PRR5L: variants seen among roughly 807,000 people sequenced by gnomAD.
The protein encoded by PRR5L is proline-rich protein 5-like.
PRR5L carries 21 observed loss-of-function variants against 36.4 expected under a neutral mutation model. The ratio of observed to expected loss-of-function variants is 0.58; its 90% CI spans 0.41 to 0.83. The LOEUF is 0.83. Among genes scored for constraint, PRR5L ranks in the 40% least tolerant of loss-of-function variants. The pLI is 0.00. For synonymous variants in PRR5L, 188 were observed against 197.0 expected (o/e 0.95, Z 0.38); for missense variants, 381 against 473.3 (o/e 0.80, Z 1.81).
intron 1 of PRR5L, among the ~76,000 whole-genome samples, chr11:36,307,268 A>C (rs189572811): frequency 1.3e-5 from 2 of 152,308 alleles, no homozygotes; most frequent in East Asian, 3.9e-4. Context: ...TCACAATTCC[A>C]TGACAGAGGT....
rs144103793 is a variant in PRR5L at position 36,381,055 on chromosome 11, C to G, written c.-125-19942C>G. ...TATGTTACATAAAATTATGTATTTA[C>G]TCGTGTATTAAACTTGCAAAGCTTT... On this transcript the variant is annotated intron_variant, in intron 1 of 8. Coordinates refer to ENST00000530639, the MANE Select transcript of PRR5L (RefSeq NM_001160167.2). Among the ~76,000 whole-genome samples the G allele has an allele frequency of 1.2e-3, 183 of 152,310 alleles. 2 individuals are homozygous for G. Among genetic ancestry groups the G allele is most frequent in the South Asian group, 0.012 (56 of 4,832 alleles).
chr11:36,350,730 A>G (rs1856921273), intron 1 of PRR5L, among the ~76,000 whole-genome samples: 1 of 150,742 alleles, frequency 6.6e-6, no homozygotes, highest in Non-Finnish European at 1.5e-5. Flanking sequence ...CCACTGTATC[A>G]TTCTTATGCC....
intron 2 of PRR5L, among the ~76,000 whole-genome samples, chr11:36,401,743 GT>G (rs899857562): frequency 6.6e-6 from 1 of 152,096 alleles, no homozygotes; most frequent in Non-Finnish European, 1.5e-5. Flanking sequence ...AAGAGAGCAA[GT>G]TTTTTTTAAT....
chr11:36,434,581 T>C (rs149978851), intron 5 of PRR5L, among the ~76,000 whole-genome samples: 167 of 152,324 alleles, frequency 1.1e-3, no homozygotes, highest in African/African-American at 3.8e-3. Context: ...CTTAGTGACC[T>C]TGAGTCTTAG....
At chr11:36,326,715 C>G (rs914454874) in intron 1 of PRR5L, among the ~76,000 whole-genome samples, 9 of 143,886 alleles carry the variant, frequency 6.3e-5, no homozygotes, top group African/African-American at 2.3e-4. Flanking sequence ...AAGGAGCTAG[C>G]TGGCAGAGGC....
At chr11:36,358,004 G>A (rs369803220) in intron 1 of PRR5L, among the ~76,000 whole-genome samples, 4 of 152,170 alleles carry the variant, frequency 2.6e-5, no homozygotes, top group South Asian at 4.1e-4. Context: ...GAACATTTGT[G>A]ATTCATGGGA....
intron 1 of PRR5L, among the ~76,000 whole-genome samples, chr11:36,337,215 G>A (rs1856777117): frequency 6.6e-6 from 1 of 152,158 alleles, no homozygotes; most frequent in Admixed American, 6.5e-5. Flanking sequence ...ATAGTATTAA[G>A]AAGGAGGGCC....
At chr11:36,320,312 C>A (rs1013388142) in intron 1 of PRR5L, among the ~76,000 whole-genome samples, 5 of 143,286 alleles carry the variant, frequency 3.5e-5, no homozygotes, top group African/African-American at 1.3e-4. Context: ...GGTGCGATCT[C>A]GGCTCAGTGC....
chr11:36,374,504 C>T (rs1857233576), intron 1 of PRR5L, among the ~76,000 whole-genome samples: 1 of 150,536 alleles, frequency 6.6e-6, no homozygotes, highest in African/African-American at 2.4e-5. Flanking sequence ...CGAATTACAA[C>T]TTTAAATAGG....
chr11:36,381,271 G>T (rs1468908036), intron 1 of PRR5L, among the ~76,000 whole-genome samples: 1 of 152,146 alleles, frequency 6.6e-6, no homozygotes, highest in East Asian at 1.9e-4. Flanking sequence ...GATGTGTCCT[G>T]TATTTTGTTG....
chr11:36,451,511 C>G (rs1199670765), intron 8 of PRR5L, among the ~76,000 whole-genome samples, 176 bp downstream of exon 8: 1 of 152,218 alleles, frequency 6.6e-6, no homozygotes, highest in Non-Finnish European at 1.5e-5. Flanking sequence ...CATTCCTGGC[C>G]TCTGGAGGTT....
At chr11:36,333,346 C>T (rs1222249950) in intron 1 of PRR5L, among the ~76,000 whole-genome samples, 1 of 152,136 alleles carries the variant, frequency 6.6e-6, no homozygotes, top group African/African-American at 2.4e-5. Context: ...GCTAAACATA[C>T]ACCTACCATA....
At chr11:36,433,027 C>T (rs975600232) in intron 5 of PRR5L, among the ~76,000 whole-genome samples, 1 of 152,038 alleles carries the variant, frequency 6.6e-6, no homozygotes, top group Admixed American at 6.5e-5. Flanking sequence ...TTGAATACAT[C>T]GATGACATTT....
intron 3 of PRR5L, among the ~76,000 whole-genome samples, chr11:36,415,259 C>G (rs1211030479): frequency 2.6e-5 from 4 of 152,146 alleles, no homozygotes; most frequent in Admixed American, 2.0e-4. Flanking sequence ...GGTCTGTGGA[C>G]TAGACTGGGT....
At chr11:36,397,188 C>T (rs1488530157) in intron 1 of PRR5L, among the ~76,000 whole-genome samples, 1 of 151,578 alleles carries the variant, frequency 6.6e-6, no homozygotes, top group Non-Finnish European at 1.5e-5. Flanking sequence ...CTGTCTCAGC[C>T]TCCTGAGTAG....
At chr11:36,403,936 C>G (rs1164537667) in intron 3 of PRR5L, among the ~76,000 whole-genome samples, 2 of 152,186 alleles carry the variant, frequency 1.3e-5, no homozygotes, top group Non-Finnish European at 1.5e-5. Flanking sequence ...GACAGCTACT[C>G]CAACACAGCT....
At chr11:36,453,233 T>C (rs1367738997) in intron 8 of PRR5L, among the ~76,000 whole-genome samples, 5 of 152,180 alleles carry the variant, frequency 3.3e-5, no homozygotes, top group Admixed American at 1.3e-4. Flanking sequence ...TTTAAGCAAA[T>C]AGAGGGAGGA....
chr11:36,426,791 A>G (rs744896), intron 4 of PRR5L, among the ~76,000 whole-genome samples: 36,114 of 152,166 alleles, frequency 0.24, 4,522 homozygotes, highest in East Asian at 0.37. Flanking sequence ...TGTCATCACC[A>G]CTAAAACATT....
chr11:36,369,617 A>G (rs1311986192), intron 1 of PRR5L, among the ~76,000 whole-genome samples: 1 of 152,048 alleles, frequency 6.6e-6, no homozygotes, highest in Non-Finnish European at 1.5e-5. Context: ...TATTTTTGAG[A>G]TGGAGCCTCA....
Sources: allele counts gnomAD v4.1 joint callset (sites outside exome capture counted in the v4.1 genomes callset), GRCh38; gene constraint gnomAD v4.1.1; transcripts MANE v1.5; gene names NCBI Gene and HGNC (gene_info 2026-07-23, HGNC 2026-07-21).